ZNF829: variants seen among roughly 807,000 people sequenced by gnomAD.
ZNF829 encodes zinc finger protein 829.
A neutral mutation model predicts 35.2 loss-of-function variants in ZNF829; 25 were observed. The observed-to-expected ratio is 0.71, with a 90% CI of 0.52 to 0.99. ZNF829 has a LOEUF of 0.99. ZNF829 is among the 50% of genes least tolerant of loss of function. ZNF829 has a pLI of 0.00. For missense variants in ZNF829, 417 were observed against 515.3 expected (o/e 0.81, Z 1.85); for synonymous variants, 136 against 163.2 (o/e 0.83, Z 1.27).
intron 5 of ZNF829, among the ~76,000 whole-genome samples, chr19:36,894,644 A>G (rs2073094816): frequency 6.6e-6 from 1 of 152,168 alleles, no homozygotes; most frequent in African/African-American, 2.4e-5. Flanking sequence ...ACAAATTTCA[A>G]TGAATGAAAT....
At chr19:36,914,210 T>C (rs906101452) in intron 3 of ZNF829, among the ~76,000 whole-genome samples, 8 of 152,074 alleles carry the variant, frequency 5.3e-5, no homozygotes, top group African/African-American at 1.9e-4. Context: ...CAAAAAGCAC[T>C]AACCATAAAG....
In ZNF829 at chr19:36,902,644, C is replaced by CAAAATAAAATAAAATAAAAT. The variant is rs376999920; in HGVS notation, c.319+5265_319+5284dup. Among the ~76,000 whole-genome samples the CAAAATAAAATAAAATAAAAT allele has an allele frequency of 8.1e-3, 1,200 of 147,472 alleles. 17 individuals are homozygous for CAAAATAAAATAAAATAAAAT. The highest frequency in any genetic ancestry group is 0.025 in the African/African-American group (959 of 38,958). ...TGGGCAACAGAGCCAGACTCTGTCT[C>CAAAATAAAATAAAATAAAAT]AAAATAAAATAAAATAAAATAAAAT... On this transcript the variant is annotated intron_variant, in intron 5 of 5. Coordinates refer to ENST00000391711, the MANE Select transcript of ZNF829 (RefSeq NM_001037232.4).
intron 5 of ZNF829, chr19:36,892,765 A>G (rs2073071169): frequency 4.3e-6 from 2 of 466,570 alleles, no homozygotes; most frequent in Non-Finnish European, 7.1e-6. Context: ...CATCCTCCAT[A>G]TTATAGAGAG....
chr19:36,892,338 A>T lies in ZNF829; in HGVS notation c.453T>A (p.Ser151Arg). The T allele has an allele frequency of 6.2e-7, 1 of 1,613,750 alleles. No homozygotes were observed. The change falls in exon 6 of 6, where the codon AGT (serine) becomes AGA (arginine). Residue 151 changes from serine (S) to arginine (R), a missense_variant. By Grantham distance (110) the Ser-to-Arg change is moderately radical (BLOSUM62 -1). Transcript: ENST00000391711. ...TCTTACATTCCCATGGTTTCTCTTC[A>T]CTCATAGTTTTTTGAGGTGGAATAA... is the stretch of plus-strand genomic sequence containing the variant. ...TFLIPPQKTM[S>R]EEKPWECKIC... is the part of the protein sequence containing the mutation.
chr19:36,915,696 C>A lies in ZNF829; in HGVS notation c.-85+315G>T, dbSNP rs886242087. 5.9e-6 allele frequency: 4 copies of A among 674,314 alleles called. No homozygotes were observed. In the African/African-American group the frequency reaches 7.2e-5, roughly 12 times the overall value. 41.8% of individuals were successfully genotyped at this position (674,314 alleles called of 1,614,324 possible). ...CACTGCAACCTCCGCCTCCCGGGTT[C>A]AAGTGATTCTCCTGCCTCAGCCTGC... On this transcript the variant is annotated intron_variant, in intron 1 of 5. Transcript: ENST00000391711.
intron 5 of ZNF829, among the ~76,000 whole-genome samples, chr19:36,902,455 C>CA (rs1029507150): frequency 7.3e-5 from 11 of 150,370 alleles, no homozygotes; most frequent in Admixed American, 3.3e-4. Flanking sequence ...GGTAACATGG[C>CA]AAAATCCCAT....
At chr19:36,913,473 A>G (rs914782918) in intron 3 of ZNF829, among the ~76,000 whole-genome samples, 9 of 152,172 alleles carry the variant, frequency 5.9e-5, no homozygotes, top group African/African-American at 2.2e-4. Flanking sequence ...TATTTTTATT[A>G]TTACTTGGAG....
At chr19:36,897,210 C>T (rs949301329) in intron 5 of ZNF829, among the ~76,000 whole-genome samples, 4 of 152,230 alleles carry the variant, frequency 2.6e-5, no homozygotes, top group Admixed American at 6.5e-5. Context: ...TTCTACAAGG[C>T]CAGCATTACC....
intron 5 of ZNF829, 109 bp downstream of exon 5, chr19:36,907,820 G>C: frequency 1.2e-6 from 1 of 863,580 alleles, no homozygotes; most frequent in Admixed American, 3.0e-5. Flanking sequence ...AAAAAAAGTG[G>C]GATAGCTTAT....
At chr19:36,915,760 C>G in intron 1 of ZNF829, 1 of 1,170,298 alleles carries the variant, frequency 8.5e-7, no homozygotes, top group Non-Finnish European at 1.2e-6. Context: ...CCATGCCTAG[C>G]TAATTTTTGT....
intron 5 of ZNF829, 127 bp downstream of exon 5, chr19:36,907,802 A>AG (rs992499515): frequency 1.4e-6 from 1 of 692,806 alleles, no homozygotes. Context: ...AAAAAGTATG[A>AG]GAAAAAAAAA....
At chr19:36,913,958 A>G (rs1022136688) in intron 3 of ZNF829, among the ~76,000 whole-genome samples, 1 of 152,194 alleles carries the variant, frequency 6.6e-6, no homozygotes, top group African/African-American at 2.4e-5. Context: ...ACCCATGCAC[A>G]TATAGACACT....
chr19:36,903,318 G>A (rs1391975523), intron 5 of ZNF829, among the ~76,000 whole-genome samples: 4 of 152,134 alleles, frequency 2.6e-5, no homozygotes, highest in Non-Finnish European at 5.9e-5. Context: ...ATAAATACAT[G>A]TGGTTTTGTT....
intron 5 of ZNF829, chr19:36,902,070 C>A: frequency 2.0e-6 from 1 of 498,054 alleles, no homozygotes; most frequent in South Asian, 2.3e-5. Flanking sequence ...ATCTATGTAT[C>A]TGTTACCACT....
At chr19:36,900,145 A>AACAC (rs56218050) in intron 5 of ZNF829, among the ~76,000 whole-genome samples, 2,058 of 120,410 alleles carry the variant, frequency 0.017, 32 homozygotes, top group African/African-American at 0.046. Flanking sequence ...GTCTCTACTA[A>AACAC]ACACACACAC....
intron 5 of ZNF829, among the ~76,000 whole-genome samples, chr19:36,900,507 T>A (rs1325444895): frequency 6.6e-6 from 1 of 151,812 alleles, no homozygotes; most frequent in East Asian, 1.9e-4. Flanking sequence ...TAAATATACA[T>A]ACCTACTATG....
Position 36,890,686 on chromosome 19 carries a change from C to CAAAAAAAAAA in ZNF829, c.*796_*805dup, listed in dbSNP as rs71171475. 1.2e-5 allele frequency: 1 copy of CAAAAAAAAAA among 84,094 alleles called. No homozygotes were observed. 5.2% of individuals were successfully genotyped at this position (84,094 alleles called of 1,614,324 possible). ...TGAAACCCCGTCGCTACTAAAAATA[C>CAAAAAAAAAA]AAAAAAAAAAAAAAAAAAAATTAGC... On this transcript the variant is annotated 3_prime_UTR_variant, in exon 6 of 6. Transcript: ENST00000391711.
In ZNF829 at chr19:36,889,129, A is replaced by G. The variant is rs534275807; in HGVS notation, c.*2363T>C. 3 of 151,924 alleles carry G rather than the reference A, an allele frequency of 2.0e-5. No individual in the cohort carries two copies. Among genetic ancestry groups the G allele is most frequent in the East Asian group, 1.9e-4 (1 of 5,166 alleles). 9.4% of individuals were successfully genotyped at this position (151,924 alleles called of 1,614,324 possible). On this transcript the variant is annotated 3_prime_UTR_variant, in exon 6 of 6. Transcript: ENST00000391711. ...GTTGCATATGTTGAGCCATCCTTAC[A>G]CCCCAGGAATAAAATCCACTTGACT...
intron 5 of ZNF829, among the ~76,000 whole-genome samples, chr19:36,902,730 T>C (rs891552214): frequency 6.6e-6 from 1 of 151,718 alleles, no homozygotes; most frequent in African/African-American, 2.4e-5. Flanking sequence ...TCTGTCAGAC[T>C]TTTTGACATC....
Sources: allele counts gnomAD v4.1 joint callset (sites outside exome capture counted in the v4.1 genomes callset), GRCh38; gene constraint gnomAD v4.1.1; transcripts MANE v1.5; gene names NCBI Gene and HGNC (gene_info 2026-07-23, HGNC 2026-07-21).